The following HEATR5A variants were observed in gnomAD, a reference collection of about 807,000 sequenced individuals.
HEATR5A encodes HEAT repeat-containing protein 5A.
Under a neutral mutation model 218.8 loss-of-function variants are expected in HEATR5A, and 178 were observed. That is an observed-to-expected ratio of 0.81 (90% CI 0.72 to 0.92). The LOEUF (loss-of-function observed/expected upper bound fraction) is 0.92. Among genes scored for constraint, HEATR5A ranks in the 40% least tolerant of loss-of-function variants. HEATR5A has a pLI of 0.00. For synonymous variants in HEATR5A, 864 were observed against 871.6 expected, an observed-to-expected ratio of 0.99 and a Z score of 0.15; for missense variants, 2,420 against 2,418.9, an observed-to-expected ratio of 1.00 and a Z score of -0.01.
chr14:31,336,215 T>C (rs200732992), intron 22 of HEATR5A, among the ~76,000 whole-genome samples: 1,438 of 7,734 alleles, frequency 0.19, 90 homozygotes, highest in African/African-American at 0.33. Flanking sequence ...TATACATACA[T>C]ACATATATAT....
intron 14 of HEATR5A, 125 bp from the exon 15 acceptor site, chr14:31,359,182 T>A (rs1485287626): frequency 1.1e-6 from 1 of 889,376 alleles, no homozygotes; most frequent in Non-Finnish European, 1.7e-6. Context: ...GCCAAAAGAC[T>A]GTATTTCTCA....
At chr14:31,360,135 T>C (rs1901569570) in intron 14 of HEATR5A, among the ~76,000 whole-genome samples, 1 of 152,172 alleles carries the variant, frequency 6.6e-6, no homozygotes. Context: ...TTTTGTTTGC[T>C]TCCGTGTTTG....
chr14:31,302,693 A>C, intron 32 of HEATR5A, 174 bp from the exon 33 acceptor site: 1 of 569,870 alleles, frequency 1.8e-6, no homozygotes, highest in Non-Finnish European at 3.1e-6. Context: ...ATTTTTATGG[A>C]TGGATTAAAT....
At chr14:31,388,226 T>C (rs1176107757) in intron 7 of HEATR5A, among the ~76,000 whole-genome samples, 1 of 152,166 alleles carries the variant, frequency 6.6e-6, no homozygotes, top group Non-Finnish European at 1.5e-5. Flanking sequence ...TCATGGAGAC[T>C]ATATGCAGTA....
intron 13 of HEATR5A, among the ~76,000 whole-genome samples, chr14:31,366,883 C>T (rs949210274): frequency 6.6e-6 from 1 of 152,138 alleles, no homozygotes; most frequent in African/African-American, 2.4e-5. Flanking sequence ...GAAACTTTCA[C>T]CAAACCAAAC....
At position 31,364,230 on chromosome 14, in the gene HEATR5A, A is replaced by C. The variant is rs370618835; in HGVS notation, c.2030T>G (p.Leu677Arg). Residue 677 changes from leucine to arginine, a missense_variant, in exon 14 of 36, where the codon CTT becomes CGT. Transcript: ENST00000543095. ...KTPSVVYRQR[L>R]YELLILLPPE... ...AGGTAATAAAATCAACAGTTCATAAAGTCTTTGTCTATAAACCACTGACGG... is the reference window on the plus strand; with the variant it reads ...AGGTAATAAAATCAACAGTTCATAACGTCTTTGTCTATAAACCACTGACGG... 6.4e-7 allele frequency: 1 copy of C among 1,554,140 alleles called. No homozygotes were observed. Among genetic ancestry groups the C allele is most frequent in the African/African-American group, 1.4e-5 (1 of 73,716 alleles).
At chr14:31,375,732 A>G (rs940130935) in intron 11 of HEATR5A, among the ~76,000 whole-genome samples, 2 of 152,188 alleles carry the variant, frequency 1.3e-5, no homozygotes, top group African/African-American at 2.4e-5. Flanking sequence ...TTCTGATAGC[A>G]ACTTGTTCCA....
At chr14:31,382,075 C>T (rs2030012564) in intron 10 of HEATR5A, among the ~76,000 whole-genome samples, 1 of 152,132 alleles carries the variant, frequency 6.6e-6, no homozygotes, top group Non-Finnish European at 1.5e-5. Flanking sequence ...ACAAAACAAA[C>T]CATTCTAGTC....
intron 22 of HEATR5A, among the ~76,000 whole-genome samples, chr14:31,334,945 CAAAAAA>C (rs58661759): frequency 1.0e-5 from 1 of 96,640 alleles, no homozygotes; most frequent in African/African-American, 4.3e-5. Flanking sequence ...GATTCCATCT[CAAAAAA>C]AAAAAAAAAA....
chr14:31,310,844 C>A, intron 28 of HEATR5A, among the ~76,000 whole-genome samples: 1 of 151,900 alleles, frequency 6.6e-6, no homozygotes, highest in African/African-American at 2.4e-5. Flanking sequence ...GTGTATAATT[C>A]CAATGAAAAT....
At chr14:31,380,964 T>C (rs1433429977) in intron 10 of HEATR5A, among the ~76,000 whole-genome samples, 1 of 152,162 alleles carries the variant, frequency 6.6e-6, no homozygotes, top group Non-Finnish European at 1.5e-5. Flanking sequence ...AAATGCTACA[T>C]ACAGCCAGGT....
intron 33 of HEATR5A, chr14:31,297,066 A>C (rs1595071109): frequency 6.6e-6 from 1 of 152,286 alleles, no homozygotes. Flanking sequence ...CAGGCGGATC[A>C]CTTGAGGTCA....
At chr14:31,413,049 T>C (rs1387957212) in intron 1 of HEATR5A, among the ~76,000 whole-genome samples, 1 of 152,156 alleles carries the variant, frequency 6.6e-6, no homozygotes, top group Non-Finnish European at 1.5e-5. Flanking sequence ...AAACTTAACT[T>C]ATGACGAACC....
At chr14:31,386,760 T>C (rs1248436162) in intron 8 of HEATR5A, among the ~76,000 whole-genome samples, 185 bp from the exon 9 acceptor site, 1 of 152,230 alleles carries the variant, frequency 6.6e-6, no homozygotes, top group Non-Finnish European at 1.5e-5. Flanking sequence ...AATGAATTAC[T>C]ATAACCAATT....
Position 31,302,516 on chromosome 14 carries a change from C to G in HEATR5A, c.5243G>C (p.Ser1748Thr), listed in dbSNP as rs928154023. Reference protein sequence around the residue: ...ELPAVCSPEGSISILPTILYL... With the variant: ...ELPAVCSPEGTISILPTILYL... ...CAATATAGTAGGGAGAATTGAGATG[C>G]TTCCTGTAAGATACATTTTTTAAAA... is the stretch of plus-strand genomic sequence containing the variant. Residue 1748 changes from serine to threonine, a missense_variant, in exon 33 of 36, where the codon AGC becomes ACC. Coordinates refer to ENST00000543095, the MANE Select transcript of HEATR5A (RefSeq NM_015473.4). 1 of 1,559,782 alleles carries G rather than the reference C, an allele frequency of 6.4e-7. No individual in the cohort carries two copies. The highest frequency in any genetic ancestry group is 8.7e-7 in the Non-Finnish European group (1 of 1,148,348).
At position 31,400,443 on chromosome 14, in the gene HEATR5A, G is replaced by A. The variant is rs751379047; in HGVS notation, c.196C>T (p.Pro66Ser). The A allele has an allele frequency of 2.6e-6, 4 of 1,535,842 alleles. No homozygotes were observed. The highest frequency in any genetic ancestry group is 2.0e-5 in the Admixed American group (1 of 50,968). Residue 66 changes from proline to serine, a missense_variant, in exon 3 of 36, where the codon CCT becomes TCT. Coordinates refer to ENST00000543095, the MANE Select transcript of HEATR5A (RefSeq NM_015473.4). ...LLSLLNSSPG[P>S]PTRKLLAKNL... Reference sequence around the variant, plus strand: ...TTAGCAAGCAGTTTGCGGGTAGGAGGCCCTGGGGAGCTGTTCAACAAAGAC... The same window carrying A: ...TTAGCAAGCAGTTTGCGGGTAGGAGACCCTGGGGAGCTGTTCAACAAAGAC...
chr14:31,341,942 T>C (rs551145238), intron 21 of HEATR5A, among the ~76,000 whole-genome samples: 2 of 152,262 alleles, frequency 1.3e-5, no homozygotes, highest in African/African-American at 2.4e-5. Flanking sequence ...TCTTCAAATA[T>C]AAAAGTAATA....
Position 31,315,794 on chromosome 14 carries a change from T to C in HEATR5A, c.4194A>G (p.Leu1398=). ...CCTCTGCCCAGGCTTTAAGCACAGC[T>C]AAGATCTCCATGGTAGAAGCACTTT... ...YNESASTMEI[L]AVLKAWAEVY... The change falls in exon 27 of 36, where the codon TTA becomes TTG. Residue 1398 remains leucine, a synonymous_variant. Coordinates refer to ENST00000543095, the MANE Select transcript of HEATR5A (RefSeq NM_015473.4). 1 of 1,610,850 alleles carries C rather than the reference T, an allele frequency of 6.2e-7. No homozygotes were observed. The highest frequency in any genetic ancestry group is 8.5e-7 in the Non-Finnish European group (1 of 1,178,526).
intron 16 of HEATR5A, among the ~76,000 whole-genome samples, chr14:31,357,463 T>C (rs909747418): frequency 6.6e-6 from 1 of 152,184 alleles, no homozygotes; most frequent in Non-Finnish European, 1.5e-5. Context: ...AATGAATCAG[T>C]GCGGATGACA....
Sources: allele counts gnomAD v4.1 joint callset (sites outside exome capture counted in the v4.1 genomes callset), GRCh38; gene constraint gnomAD v4.1.1; transcripts MANE v1.5; gene names NCBI Gene and HGNC (gene_info 2026-07-23, HGNC 2026-07-21).